GALNT14: variants seen among roughly 807,000 people sequenced by gnomAD.
GALNT14 encodes the protein UDP-GalNAc:polypeptide N-acetylgalactosaminyltransferase 14.
In GALNT14, 60 loss-of-function variants were observed where a neutral mutation model predicts 77.5. The ratio of observed to expected loss-of-function variants is 0.77; its 90% CI spans 0.63 to 0.96. The LOEUF is 0.96. GALNT14 is among the 40% of genes least tolerant of loss of function. The probability of loss-of-function intolerance (pLI) is 0.00; values close to 1 mark genes in which losing one functional copy is unlikely to be tolerated. For missense variants in GALNT14, 710 were observed against 731.0 expected (o/e 0.97, Z 0.33); for synonymous variants, 280 against 281.7 (o/e 0.99, Z 0.06).
At chr2:31,067,446 G>C (rs1396002463) in intron 1 of GALNT14, among the ~76,000 whole-genome samples, 2 of 152,022 alleles carry the variant, frequency 1.3e-5, no homozygotes, top group Non-Finnish European at 2.9e-5. Flanking sequence ...CGACATCCCC[G>C]GACTTTGCAG....
chr2:31,106,547 T>C (rs970259002), intron 1 of GALNT14, among the ~76,000 whole-genome samples: 2 of 152,186 alleles, frequency 1.3e-5, no homozygotes, highest in African/African-American at 2.4e-5. Context: ...ATTTCCTCCT[T>C]GAGTTCTGCC....
At chr2:31,029,046 C>A (rs974683888) in intron 1 of GALNT14, among the ~76,000 whole-genome samples, 1 of 152,084 alleles carries the variant, frequency 6.6e-6, no homozygotes, top group Non-Finnish European at 1.5e-5. Context: ...CTCCCTGAGC[C>A]CCCATTTCTC....
At chr2:31,131,794 G>A (rs1478611621) in intron 1 of GALNT14, among the ~76,000 whole-genome samples, 1 of 152,200 alleles carries the variant, frequency 6.6e-6, no homozygotes, top group African/African-American at 2.4e-5. Context: ...AATGACCTCT[G>A]ATGAGTGGAA....
intron 1 of GALNT14, among the ~76,000 whole-genome samples, chr2:31,117,495 C>T (rs1678168703): frequency 6.6e-6 from 1 of 152,038 alleles, no homozygotes; most frequent in African/African-American, 2.4e-5. Context: ...TAGGAAGGTA[C>T]ATAAATGCAA....
At chr2:31,051,400 G>C (rs910893992) in intron 1 of GALNT14, among the ~76,000 whole-genome samples, 1 of 152,206 alleles carries the variant, frequency 6.6e-6, no homozygotes, top group Non-Finnish European at 1.5e-5. Flanking sequence ...ATCAGTTAAA[G>C]ACTTAAGAGC....
chr2:31,119,475 T>G (rs1008149095), intron 1 of GALNT14, among the ~76,000 whole-genome samples: 12 of 152,198 alleles, frequency 7.9e-5, no homozygotes, highest in Non-Finnish European at 1.3e-4. Context: ...TCAACCTCTC[T>G]GGTAATCAGA....
Position 30,955,659 on chromosome 2 carries a change from TCA to T in GALNT14, c.611_612del (p.Val204GlufsTer28). 6.2e-7 allele frequency: 1 copy of T among 1,614,208 alleles called. No individual in the cohort carries two copies. The highest frequency in any genetic ancestry group is 2.2e-5 in the East Asian group (1 of 44,876). Reference protein sequence around the residue: ...TLTFLDSHCEVNRDWLQPLLH... With the variant: ...TLTFLDSHCEXNRDWLQPLLH... ...AACAGAGGCTGGAGCCAGTCCCTGT[TCA>T]CCTCACAGTGGCTGTCGAGGAAAGT... On this transcript the variant is annotated frameshift_variant, in exon 6 of 15. Transcript: ENST00000349752. LOFTEE classifies it high-confidence loss of function.
At chr2:31,053,703 C>T (rs1392604431) in intron 1 of GALNT14, among the ~76,000 whole-genome samples, 2 of 152,176 alleles carry the variant, frequency 1.3e-5, no homozygotes, top group Non-Finnish European at 2.9e-5. Flanking sequence ...CCTATTGCTG[C>T]TTCCCAGGAG....
At chr2:31,031,439 G>A (rs769093984) in intron 1 of GALNT14, among the ~76,000 whole-genome samples, 2 of 152,132 alleles carry the variant, frequency 1.3e-5, no homozygotes, top group African/African-American at 2.4e-5. Context: ...TAGTCATAAG[G>A]AAATGATATC....
intron 1 of GALNT14, among the ~76,000 whole-genome samples, chr2:31,016,227 C>G (rs955128547): frequency 6.6e-6 from 1 of 152,128 alleles, no homozygotes; most frequent in African/African-American, 2.4e-5. Context: ...CTGGCTGAGT[C>G]CTCATGTGGT....
At chr2:30,976,124 C>T (rs750808533) in intron 2 of GALNT14, among the ~76,000 whole-genome samples, 32 of 152,260 alleles carry the variant, frequency 2.1e-4, no homozygotes, top group Non-Finnish European at 3.5e-4. Context: ...AATTACTGAA[C>T]ACAGAAGGCC....
chr2:30,953,435 A>G (rs969876177), intron 6 of GALNT14, among the ~76,000 whole-genome samples: 6 of 151,120 alleles, frequency 4.0e-5, no homozygotes, highest in African/African-American at 1.5e-4. Context: ...CAGCCTCCCG[A>G]GTAGCTGGGA....
intron 2 of GALNT14, among the ~76,000 whole-genome samples, chr2:30,980,035 G>C (rs956170209): frequency 1.3e-5 from 2 of 152,196 alleles, no homozygotes; most frequent in Admixed American, 1.3e-4. Flanking sequence ...AGTTTTTAAA[G>C]TAAGTCTGAC....
At chr2:30,886,802 T>C in the GALNT14 span, among the ~76,000 whole-genome samples, 1 of 152,264 alleles carries the variant, frequency 6.6e-6, no homozygotes, top group Non-Finnish European at 1.5e-5. Context: ...AGGAATTTAA[T>C]GGCCTTTAGT....
chr2:31,132,825 A>G, intron 1 of GALNT14: 2 of 436,268 alleles, frequency 4.6e-6, no homozygotes, highest in South Asian at 1.7e-5. Flanking sequence ...ATGATGGTTT[A>G]GGAGTCATGC....
chr2:30,911,502 T>A lies in GALNT14; in HGVS notation c.1501-443A>T, dbSNP rs545125771. On this transcript the variant is annotated intron_variant, in intron 14 of 14. Transcript: ENST00000349752. ...CGACGGGCCAGAGCAGAGAGGCAGG[T>A]CTCATGCAGCAGGTTCTCACACTTG... is the stretch of plus-strand genomic sequence containing the variant. Among the ~76,000 whole-genome samples, 4 of 152,104 alleles carry A rather than the reference T, an allele frequency of 2.6e-5. No individual in the cohort carries two copies. The South Asian group carries it at 6.2e-4, about 24-fold the overall frequency.
In GALNT14 at chr2:30,973,742, T is replaced by C. The variant is rs182394796; in HGVS notation, c.300-7440A>G. ...TTGCTTCATGTCAATTTTGCTGGGA[T>C]TTCACATGCAGATTAATTCGTTCAT... On this transcript the variant is annotated intron_variant, in intron 2 of 14. Coordinates refer to ENST00000349752, the MANE Select transcript of GALNT14 (RefSeq NM_024572.4). Among the ~76,000 whole-genome samples the C allele has an allele frequency of 3.2e-3, 486 of 152,342 alleles. 3 individuals carry two copies. Among genetic ancestry groups the C allele is most frequent in the Non-Finnish European group, 4.9e-3 (333 of 68,028 alleles).
chr2:31,108,818 C>G (rs1461470614), intron 1 of GALNT14, among the ~76,000 whole-genome samples: 1 of 152,180 alleles, frequency 6.6e-6, no homozygotes, highest in African/African-American at 2.4e-5. Flanking sequence ...TCCCTGCTCC[C>G]TACTGAGCTT....
At chr2:31,130,784 G>GTGTGTGCA (rs57066682) in intron 1 of GALNT14, among the ~76,000 whole-genome samples, 48 of 125,038 alleles carry the variant, frequency 3.8e-4, no homozygotes, top group African/African-American at 1.9e-3. Flanking sequence ...GTGTGTGTGT[G>GTGTGTGCA]CGCGCGCACC....
Sources: gnomAD v4.1 joint callset for allele counts (sites outside exome capture counted in the v4.1 genomes callset) on GRCh38, gnomAD v4.1.1 for gene constraint, MANE v1.5 for transcripts, NCBI Gene and HGNC (gene_info 2026-07-23, HGNC 2026-07-21) for gene names.